CDH2: variants seen among roughly 807,000 people sequenced by gnomAD.
CDH2 encodes cadherin 2.
CDH2 carries 17 observed loss-of-function variants against 92.0 expected under a neutral mutation model. The observed-to-expected ratio is 0.18, with a 90% CI of 0.13 to 0.28. CDH2 has a LOEUF of 0.28. CDH2 is among the 10% of genes least tolerant of loss of function. CDH2 has a pLI of 1.00. For missense variants in CDH2, 862 were observed against 1,133.1 expected, an observed-to-expected ratio of 0.76 and a Z score of 3.44; for synonymous variants, 419 against 415.9, an observed-to-expected ratio of 1.01 and a Z score of -0.09.
At chr18:28,163,457 A>G (rs1214991641) in intron 1 of CDH2, among the ~76,000 whole-genome samples, 1 of 152,230 alleles carries the variant, frequency 6.6e-6, no homozygotes, top group East Asian at 1.9e-4. Flanking sequence ...TCAGACTATC[A>G]GGGCTAGGGC....
chr18:28,122,516 T>C (rs1194130683), intron 2 of CDH2, among the ~76,000 whole-genome samples: 2 of 152,160 alleles, frequency 1.3e-5, no homozygotes, highest in Non-Finnish European at 2.9e-5. Flanking sequence ...AAGTTGGGTT[T>C]TTCATTTTAT....
chr18:28,138,784 T>C (rs2015905447), intron 2 of CDH2, among the ~76,000 whole-genome samples: 1 of 152,076 alleles, frequency 6.6e-6, no homozygotes, highest in Admixed American at 6.6e-5. Context: ...AAAAAGGATA[T>C]GCTTGCTCTG....
intron 2 of CDH2, among the ~76,000 whole-genome samples, chr18:28,024,130 C>G (rs181793325): frequency 6.6e-6 from 1 of 152,126 alleles, no homozygotes; most frequent in African/African-American, 2.4e-5. Context: ...TTGGGGTAGA[C>G]TGCCACAAAA....
intron 1 of CDH2, among the ~76,000 whole-genome samples, chr18:28,159,664 T>A (rs892086765): frequency 6.6e-6 from 1 of 151,758 alleles, no homozygotes; most frequent in African/African-American, 2.4e-5. Flanking sequence ...TTTTGTTTTT[T>A]TTTTTTTTTT....
At chr18:28,124,626 G>C (rs1365072600) in intron 2 of CDH2, among the ~76,000 whole-genome samples, 1 of 151,996 alleles carries the variant, frequency 6.6e-6, no homozygotes, top group Admixed American at 6.6e-5. Context: ...TCGATATCTT[G>C]GTATTTAAAA....
At position 28,021,734 on chromosome 18, in the gene CDH2, A is replaced by G. The variant is rs73400031; in HGVS notation, c.173-7825T>C. On this transcript the variant is annotated intron_variant, in intron 2 of 15. Coordinates refer to ENST00000269141, the MANE Select transcript of CDH2 (RefSeq NM_001792.5). ...ATTAAATGTATTAGCATTTAACAGCACTACATAAACCAAATGAATGAAAAT... is the reference window on the plus strand; with the variant it reads ...ATTAAATGTATTAGCATTTAACAGCGCTACATAAACCAAATGAATGAAAAT... Among the ~76,000 whole-genome samples the G allele has an allele frequency of 4.0e-3, 611 of 152,108 alleles. 5 individuals carry two copies. Among genetic ancestry groups the G allele is most frequent in the African/African-American group, 0.014 (588 of 41,558 alleles).
At chr18:27,969,157 C>T (rs2011598533) in intron 14 of CDH2, among the ~76,000 whole-genome samples, 1 of 152,070 alleles carries the variant, frequency 6.6e-6, no homozygotes, top group Non-Finnish European at 1.5e-5. Context: ...ATTATCACAG[C>T]CCCCCCACCA....
At chr18:28,151,943 A>C (rs2016129269) in intron 1 of CDH2, among the ~76,000 whole-genome samples, 1 of 152,226 alleles carries the variant, frequency 6.6e-6, no homozygotes, top group Non-Finnish European at 1.5e-5. Flanking sequence ...TGTTCATTCT[A>C]ATAAAACTTC....
intron 2 of CDH2, among the ~76,000 whole-genome samples, chr18:28,024,041 C>T (rs2013483008): frequency 6.6e-6 from 1 of 151,104 alleles, no homozygotes; most frequent in Non-Finnish European, 1.5e-5. Context: ...TCATATAGTG[C>T]TGTATATAAT....
Position 28,177,112 on chromosome 18 carries a change from A to C in CDH2, c.-90T>G. 2.1e-6 allele frequency: 2 copies of C among 938,032 alleles called. No homozygotes were observed. The highest frequency in any genetic ancestry group is 1.5e-6 in the Non-Finnish European group (1 of 646,878). 58.1% of individuals were successfully genotyped at this position (938,032 alleles called of 1,614,324 possible). A position where few individuals can be genotyped will look rare whatever the true frequency, so the allele number is the denominator to read the frequency against. Reference sequence around the variant, plus strand: ...AGGAGGAGGCAGCGGCAGCACCAACAGCGGCGCGGAGAAACGGCTCCAGGC... The same window carrying C: ...AGGAGGAGGCAGCGGCAGCACCAACCGCGGCGCGGAGAAACGGCTCCAGGC... On this transcript the variant is annotated 5_prime_UTR_variant, in exon 1 of 16. Coordinates refer to ENST00000269141, the MANE Select transcript of CDH2 (RefSeq NM_001792.5).
rs553494178 is a variant in CDH2 at position 28,094,600 on chromosome 18, C to A, written c.172+53073G>T. ...ACAAGGTCAGGAGATCGAGACCATC[C>A]TGGCTAACATGGTGAAACCCTGTCT... On this transcript the variant is annotated intron_variant, in intron 2 of 15. Transcript: ENST00000269141. 3.8e-4 allele frequency among the ~76,000 whole-genome samples: 58 copies of A among 151,980 alleles called. No individual in the cohort carries two copies. The South Asian group carries it at 0.012, about 31-fold the overall frequency.
chr18:28,057,434 G>A (rs151025435), intron 2 of CDH2, among the ~76,000 whole-genome samples: 2 of 152,050 alleles, frequency 1.3e-5, no homozygotes, highest in African/African-American at 4.8e-5. Flanking sequence ...AGGAGGCTGA[G>A]GTGGGCGGAT....
At chr18:28,021,552 A>G (rs1266688144) in intron 2 of CDH2, among the ~76,000 whole-genome samples, 2 of 152,012 alleles carry the variant, frequency 1.3e-5, no homozygotes, top group East Asian at 1.9e-4. Context: ...TCTAGCCCAC[A>G]TAAAACTGTG....
Position 28,045,130 on chromosome 18 carries a change from T to A in CDH2, c.173-31221A>T, listed in dbSNP as rs151307624. 1.5e-3 allele frequency among the ~76,000 whole-genome samples: 233 copies of A among 152,318 alleles called. 6 individuals are homozygous for A. The highest frequency in any genetic ancestry group is 5.4e-3 in the African/African-American group (226 of 41,566). ...CTACCAGTACCTCAGCCGTTAAGTA[T>A]GATAATCTTATAGTTCTTCCTCATC... is the stretch of plus-strand genomic sequence containing the variant. On this transcript the variant is annotated intron_variant, in intron 2 of 15. Transcript: ENST00000269141.
chr18:28,084,782 G>A (rs1391892801), intron 2 of CDH2, among the ~76,000 whole-genome samples: 1 of 152,046 alleles, frequency 6.6e-6, no homozygotes, highest in Non-Finnish European at 1.5e-5. Context: ...GAAAACTTCT[G>A]GGGGAAAATT....
At chr18:28,168,604 C>A (rs1247749937) in intron 1 of CDH2, 2 of 466,980 alleles carry the variant, frequency 4.3e-6, no homozygotes, top group African/African-American at 4.2e-5. Context: ...GAGTACTTAC[C>A]AGCATATTAT....
intron 2 of CDH2, among the ~76,000 whole-genome samples, chr18:28,075,209 T>C (rs1188676105): frequency 6.6e-6 from 1 of 152,078 alleles, no homozygotes; most frequent in Admixed American, 6.5e-5. Context: ...GCACATAAAG[T>C]AAAAAGTGCT....
chr18:28,019,274 T>TC (rs2013341199), intron 2 of CDH2, among the ~76,000 whole-genome samples: 2 of 148,658 alleles, frequency 1.3e-5, no homozygotes, highest in South Asian at 4.2e-4. Context: ...CACCACCTGT[T>TC]CCCCCAAAAA....
intron 2 of CDH2, among the ~76,000 whole-genome samples, chr18:28,023,816 C>A (rs999167065): frequency 1.1e-4 from 16 of 152,122 alleles, no homozygotes; most frequent in Admixed American, 5.2e-4. Context: ...ATTTGATTAA[C>A]GTTGTCACTA....
Sources: allele counts gnomAD v4.1 joint callset (sites outside exome capture counted in the v4.1 genomes callset), GRCh38; gene constraint gnomAD v4.1.1; transcripts MANE v1.5; gene names NCBI Gene and HGNC (gene_info 2026-07-23, HGNC 2026-07-21).